Variants in HTR3B observed in about 807,000 individuals in gnomAD.
HTR3B encodes the protein 5-hydroxytryptamine (serotonin) receptor 3B, ionotropic.
A neutral mutation model predicts 42.8 loss-of-function variants in HTR3B; 44 were observed. The ratio of observed to expected loss-of-function variants is 1.03; its 90% confidence interval spans 0.81 to 1.32. The LOEUF (loss-of-function observed/expected upper bound fraction) is 1.32. Ranked by LOEUF, HTR3B falls within the 40% of genes most tolerant of loss-of-function variation. HTR3B has a pLI of 0.00. For missense variants in HTR3B, 527 were observed against 536.5 expected (o/e 0.98, Z 0.17); for synonymous variants, 203 against 209.0 (o/e 0.97, Z 0.25).
chr11:113,933,198 C>T lies in HTR3B; in HGVS notation c.696+105C>T, dbSNP rs1399374343. 16 of 1,120,522 alleles carry T rather than the reference C, an allele frequency of 1.4e-5. No individual in the cohort carries two copies. The East Asian group carries it at 3.7e-4, about 26-fold the overall frequency. The allele number at this position is 1,120,522 out of a possible 1,614,324, so 69.4% of individuals were successfully genotyped here. On this transcript the variant is annotated intron_variant, in intron 6 of 8. Transcript: ENST00000260191. ...TCTATTGCATGTTCTCATTCATTATCACCCAAGAACAGGGACTTCAGCGGG... is the reference window on the plus strand; with the variant it reads ...TCTATTGCATGTTCTCATTCATTATTACCCAAGAACAGGGACTTCAGCGGG...
intron 2 of HTR3B, among the ~76,000 whole-genome samples, chr11:113,923,467 C>A (rs1050619935): frequency 1.3e-5 from 2 of 152,130 alleles, no homozygotes; most frequent in African/African-American, 4.8e-5. Flanking sequence ...TTGTCAATTC[C>A]GAATCCCAGA....
chr11:113,912,759 T>G (rs1949809498), intron 2 of HTR3B, among the ~76,000 whole-genome samples: 1 of 152,142 alleles, frequency 6.6e-6, no homozygotes, highest in South Asian at 2.1e-4. Context: ...ATAATGGTAT[T>G]TCATTGAGGT....
rs777829223 is a variant in HTR3B at position 113,904,976 on chromosome 11, GTGGC to G, written c.46_49del (p.Ala16GlnfsTer4). Reference sequence around the variant, plus strand: ...GGCTCCCCTGTGGGCCTGCATCCTGGTGGCTGCAGGTGAGTCCTTTTAATAATTT... The same window carrying G: ...GGCTCCCCTGTGGGCCTGCATCCTGGTGCAGGTGAGTCCTTTTAATAATTT... On this transcript the variant is annotated frameshift_variant, in exon 1 of 9. Transcript: ENST00000260191. LOFTEE classifies it high-confidence loss of function. 2 of 1,609,068 alleles carry G rather than the reference GTGGC, an allele frequency of 1.2e-6. No homozygotes were observed. Among genetic ancestry groups the G allele is most frequent in the South Asian group, 2.2e-5 (2 of 90,968 alleles).
intron 1 of HTR3B, among the ~76,000 whole-genome samples, chr11:113,907,271 G>A (rs1166974488): frequency 6.6e-6 from 1 of 152,200 alleles, no homozygotes; most frequent in Non-Finnish European, 1.5e-5. Context: ...TCTGTTGATA[G>A]CTTCCATCAG....
chr11:113,936,049 A>T (rs903975503), intron 6 of HTR3B, among the ~76,000 whole-genome samples: 3 of 152,102 alleles, frequency 2.0e-5, no homozygotes, highest in Admixed American at 6.6e-5. Flanking sequence ...GAGCATAGGC[A>T]CTTCTCCCTA....
Position 113,926,001 on chromosome 11 carries a change from A to G in HTR3B, c.214-5383A>G, listed in dbSNP as rs968620193. ...TTTTATCACCTCAAAAAGAAGCCCT[A>G]TATCCATTAGCAGTCACACCTCACA... is the stretch of plus-strand genomic sequence containing the variant. On this transcript the variant is annotated intron_variant, in intron 2 of 8. Transcript: ENST00000260191. 3.3e-5 allele frequency among the ~76,000 whole-genome samples: 5 copies of G among 152,180 alleles called. No individual in the cohort carries two copies. The East Asian group carries it at 5.8e-4, about 18-fold the overall frequency.
chr11:113,933,043 T>C lies in HTR3B; in HGVS notation c.646T>C (p.Tyr216His). The change falls in exon 6 of 9, where the codon TAC becomes CAC. Residue 216 changes from tyrosine (Y) to histidine (H), a missense_variant. Coordinates refer to ENST00000260191, the MANE Select transcript of HTR3B (RefSeq NM_006028.5). ...EWELLSVSST[Y>H]SILQSSAGGF... Reference sequence around the variant, plus strand: ...GGAACTTCTATCTGTGTCCTCCACATACAGCATCCTGCAGAGCAGCGCTGG... The same window carrying C: ...GGAACTTCTATCTGTGTCCTCCACACACAGCATCCTGCAGAGCAGCGCTGG... 2 of 1,614,192 alleles carry C rather than the reference T, an allele frequency of 1.2e-6. No homozygotes were observed. Among genetic ancestry groups the C allele is most frequent in the Non-Finnish European group, 1.7e-6 (2 of 1,180,022 alleles).
intron 6 of HTR3B, among the ~76,000 whole-genome samples, chr11:113,933,311 G>C (rs966081200): frequency 6.6e-6 from 1 of 152,066 alleles, no homozygotes; most frequent in African/African-American, 2.4e-5. Context: ...ACAGACACCA[G>C]AGGCCTGGTA....
At chr11:113,940,419 C>A (rs1950125510) in intron 6 of HTR3B, among the ~76,000 whole-genome samples, 1 of 152,220 alleles carries the variant, frequency 6.6e-6, no homozygotes, top group African/African-American at 2.4e-5. Context: ...ACTCTGGCCA[C>A]TTGATTCCCT....
At chr11:113,945,445 GT>G (rs1950169382) in intron 8 of HTR3B, among the ~76,000 whole-genome samples, 1 of 152,158 alleles carries the variant, frequency 6.6e-6, no homozygotes, top group South Asian at 2.1e-4. Context: ...CTATTTGTTT[GT>G]TTTTATCCCC....
At chr11:113,932,837 C>T in intron 5 of HTR3B, 99 bp from the exon 6 acceptor site, 1 of 1,203,810 alleles carries the variant, frequency 8.3e-7, no homozygotes, top group Non-Finnish European at 1.2e-6. Flanking sequence ...CCTATGGGGG[C>T]AGGAGAACGA....
rs755864595 is a variant in HTR3B, at chr11:113,942,996, G to A, written c.711G>A (p.Arg237=). ...TTCCCGGCCAGGTGGTGATGCGCAG[G>A]CACCCCCTGGTCTATGTCGTGAGTC... ...AQIQFNVVMR[R]HPLVYVVSLL... is the part of the protein sequence containing the mutation. The change falls in exon 7 of 9, where the codon AGG becomes AGA. Residue 237 remains arginine, a synonymous_variant. Transcript: ENST00000260191. The A allele has an allele frequency of 1.2e-6, 2 of 1,613,852 alleles. No individual in the cohort carries two copies.
intron 2 of HTR3B, 37 bp downstream of exon 2, chr11:113,909,492 G>A (rs776245607): frequency 3.0e-5 from 48 of 1,580,784 alleles, no homozygotes; most frequent in African/African-American, 1.6e-4. Context: ...TCTTGTTAAC[G>A]TCTTTTGAAA....
At chr11:113,929,893 C>A (rs534401638) in intron 2 of HTR3B, among the ~76,000 whole-genome samples, 1 of 151,988 alleles carries the variant, frequency 6.6e-6, no homozygotes, top group Non-Finnish European at 1.5e-5. Context: ...CGACCACGCC[C>A]GGCTAATTTT....
At chr11:113,934,533 G>A (rs745914443) in intron 6 of HTR3B, among the ~76,000 whole-genome samples, 1 of 152,190 alleles carries the variant, frequency 6.6e-6, no homozygotes, top group Admixed American at 6.5e-5. Context: ...GGTTAAAGGT[G>A]TATACAGCTT....
chr11:113,921,013 A>G (rs1383472572), intron 2 of HTR3B, among the ~76,000 whole-genome samples: 1 of 151,574 alleles, frequency 6.6e-6, no homozygotes, highest in East Asian at 2.0e-4. Context: ...GGGTTTCACC[A>G]CATTGGCCAG....
In HTR3B at chr11:113,923,597, G is replaced by T. The variant is rs115370411; in HGVS notation, c.214-7787G>T. Among the ~76,000 whole-genome samples, 174 of 152,192 alleles carry T rather than the reference G, an allele frequency of 1.1e-3. 1 individual carries two copies. Among genetic ancestry groups the T allele is most frequent in the African/African-American group, 4.1e-3 (169 of 41,530 alleles). ...ATGTAGGGGAATTATCTGTATATTT[G>T]CTAACCACCAATTTAGATCTAAATA... On this transcript the variant is annotated intron_variant, in intron 2 of 8. Transcript: ENST00000260191.
chr11:113,918,702 G>A (rs1217919114), intron 2 of HTR3B, among the ~76,000 whole-genome samples: 2 of 150,484 alleles, frequency 1.3e-5, no homozygotes, highest in Admixed American at 6.7e-5. Context: ...TGTCCCCCAG[G>A]CTGGAGTGCA....
intron 2 of HTR3B, among the ~76,000 whole-genome samples, chr11:113,921,215 G>A (rs1440118751): frequency 3.3e-5 from 5 of 149,490 alleles, no homozygotes; most frequent in African/African-American, 1.2e-4. Flanking sequence ...GCACGATCTC[G>A]GCTCACTGCA....
Sources: allele counts gnomAD v4.1 joint callset (sites outside exome capture counted in the v4.1 genomes callset), GRCh38; gene constraint gnomAD v4.1.1; transcripts MANE v1.5; gene names NCBI Gene and HGNC (gene_info 2026-07-23, HGNC 2026-07-21).